ITFG2: variants seen among roughly 807,000 people sequenced by gnomAD.
ITFG2 encodes the protein integrin alpha FG-GAP repeat containing 2, also known as KICSTOR complex protein ITFG2.
Under a neutral mutation model 54.4 loss-of-function variants are expected in ITFG2, and 36 were observed. That is an observed-to-expected ratio of 0.66 (90% CI 0.51 to 0.87). The LOEUF (loss-of-function observed/expected upper bound fraction) is 0.87. Ranked by LOEUF, ITFG2 falls within the 40% of genes least tolerant of loss-of-function variation. The probability of loss-of-function intolerance (pLI) is 0.00; values close to 1 mark genes in which losing one functional copy is unlikely to be tolerated. For missense variants in ITFG2, 524 were observed against 576.7 expected (o/e 0.91, Z 0.94); for synonymous variants, 211 against 225.4 (o/e 0.94, Z 0.57).
At chr12:2,822,613 G>A (rs942845397) in intron 9 of ITFG2, among the ~76,000 whole-genome samples, 181 bp from the exon 10 acceptor site, 33 of 152,092 alleles carry the variant, frequency 2.2e-4, no homozygotes, top group Non-Finnish European at 2.6e-4. Flanking sequence ...ATGAGCTGAG[G>A]TTTCCTCAGT....
intron 2 of ITFG2, 86 bp from the exon 3 acceptor site, chr12:2,817,823 A>G: frequency 7.5e-7 from 1 of 1,339,724 alleles, no homozygotes; most frequent in Non-Finnish European, 1.0e-6. Flanking sequence ...GTGATTAGAA[A>G]ACCTGCCCGC....
chr12:2,852,756 G>C (rs958413559), intron 2 of ITFG2, among the ~76,000 whole-genome samples: 2 of 152,092 alleles, frequency 1.3e-5, no homozygotes, highest in Non-Finnish European at 2.9e-5. Context: ...TGTAATCCCA[G>C]CACTTTGGGA....
chr12:2,858,796 G>C, intron 3 of ITFG2: 1 of 1,614,208 alleles, frequency 6.2e-7, no homozygotes, highest in Non-Finnish European at 8.5e-7. Context: ...TTGGCTGCAA[G>C]GCCAGAAACC....
chr12:2,816,109 C>T (rs375729015), intron 1 of ITFG2, among the ~76,000 whole-genome samples: 74 of 151,236 alleles, frequency 4.9e-4, no homozygotes, highest in African/African-American at 1.7e-3. Context: ...CGGCTCACTG[C>T]AACCTCCACC....
In ITFG2 at chr12:2,812,841, C is replaced by T. The variant is rs750646933; in HGVS notation, c.81C>T (p.Asp27=). The change falls in exon 1 of 12, where the codon GAC becomes GAT. Residue 27 remains aspartate, a synonymous_variant. Coordinates refer to ENST00000228799, the MANE Select transcript of ITFG2 (RefSeq NM_018463.4). ...SLFPHAICLG[D]VDNDTLNELV... ...TCCCGCACGCAATCTGCCTCGGAGA[C>T]GTTGATAACGATACGGTAGGTGCAT... The T allele has an allele frequency of 3.1e-6, 5 of 1,612,068 alleles. No homozygotes were observed. Among genetic ancestry groups the T allele is most frequent in the Non-Finnish European group, 4.2e-6 (5 of 1,178,716 alleles).
chr12:2,828,612 G>A (rs2097982722), downstream of ITFG2, among the ~76,000 whole-genome samples: 1 of 152,170 alleles, frequency 6.6e-6, no homozygotes, highest in South Asian at 2.1e-4. Context: ...GGCCGAGGCG[G>A]GTGGATCACC....
rs767471972 is a variant in ITFG2, at chr12:2,824,085, C to T, written c.1241-5C>T. On this transcript the variant is annotated splice_polypyrimidine_tract_variant and splice_region_variant and intron_variant, in intron 11 of 11. Transcript: ENST00000228799. ...GCCTCTTACCCACCCCTTCTTGGCT[C>T]TCAGATCCTGACGACCTCCCTGTGA... 3 of 1,614,000 alleles carry T rather than the reference C, an allele frequency of 1.9e-6. No individual in the cohort carries two copies. Among genetic ancestry groups the T allele is most frequent in the East Asian group, 4.5e-5 (2 of 44,874 alleles).
At chr12:2,817,142 C>A in intron 1 of ITFG2, 81 bp from the exon 2 acceptor site, 2 of 866,300 alleles carry the variant, frequency 2.3e-6, no homozygotes, top group East Asian at 2.6e-5. Context: ...TGTGATTACC[C>A]TTGGCTAGGC....
At chr12:2,814,124 T>C (rs2097916102) in intron 1 of ITFG2, among the ~76,000 whole-genome samples, 1 of 152,088 alleles carries the variant, frequency 6.6e-6, no homozygotes. Flanking sequence ...TTTTAAAGTT[T>C]TGTAGAGATG....
intron 1 of ITFG2, 106 bp downstream of exon 1, chr12:2,812,962 C>T: frequency 2.1e-6 from 2 of 937,504 alleles, no homozygotes; most frequent in Admixed American, 3.7e-5. Flanking sequence ...AGCATGCGCG[C>T]TGTGGCTAGT....
intron 3 of ITFG2, chr12:2,858,604 T>A (rs1257180175): frequency 2.0e-5 from 32 of 1,588,170 alleles, no homozygotes; most frequent in Non-Finnish European, 2.6e-5. Flanking sequence ...CCCGGGATGG[T>A]GGACAGCTTG....
chr12:2,815,017 A>G (rs1390902884), intron 1 of ITFG2, among the ~76,000 whole-genome samples: 1 of 151,676 alleles, frequency 6.6e-6, no homozygotes, highest in Admixed American at 6.6e-5. Flanking sequence ...CTTATTGTCC[A>G]GGCTGGAGTG....
chr12:2,851,672 A>T (rs971485446), intron 2 of ITFG2, among the ~76,000 whole-genome samples: 61 of 143,790 alleles, frequency 4.2e-4, no homozygotes, highest in African/African-American at 1.7e-3. Context: ...AATTTTATTT[A>T]TTTTTTTTAT....
intron 7 of ITFG2, 39 bp from the exon 8 acceptor site, chr12:2,821,504 T>G (rs2097944367): frequency 6.2e-7 from 1 of 1,610,260 alleles, no homozygotes; most frequent in Non-Finnish European, 8.5e-7. Context: ...GCTCTGACCT[T>G]GCCCTGCCCT....
chr12:2,835,190 T>TGTGTGTGTGAGAGAGAGAGA, upstream of ITFG2: 3 of 713,264 alleles, frequency 4.2e-6, no homozygotes, highest in African/African-American at 8.6e-5. Context: ...TGTGTGTGTG[T>TGTGTGTGTGAGAGAGAGAGA]GAGAGAGAGA....
At position 2,812,800 on chromosome 12, in the gene ITFG2, T is replaced by G; in HGVS notation, c.40T>G (p.Phe14Val). The change falls in exon 1 of 12, where the codon TTC becomes GTC. Residue 14 changes from phenylalanine (F) to valine (V), a missense_variant. Coordinates refer to ENST00000228799, the MANE Select transcript of ITFG2 (RefSeq NM_018463.4). ...VSYVQRVALEFSGSLFPHAIC... is the reference protein window; with the variant it reads ...VSYVQRVALEVSGSLFPHAIC... The stretch of plus-strand genomic sequence containing the variant: ...CTACGTGCAGCGCGTGGCGCTGGAG[T>G]TCAGCGGGAGCCTCTTCCCGCACGC... The G allele has an allele frequency of 6.2e-7, 1 of 1,612,684 alleles. No homozygotes were observed. The highest frequency in any genetic ancestry group is 1.1e-5 in the South Asian group (1 of 91,050).
chr12:2,858,739 G>C lies in ITFG2; in HGVS notation n.620+408G>C. ...CTGATGTCCAGCAGGATCTTGCTGA[G>C]GCTGTCATTCATTGTGTCCAGGACC... On this transcript the variant is annotated intron_variant and non_coding_transcript_variant, in intron 3 of 3. Coordinates refer to the ITFG2 transcript ENST00000537710. The C allele has an allele frequency of 4.3e-6, 7 of 1,614,234 alleles. No homozygotes were observed. The South Asian group carries it at 6.6e-5, about 15-fold the overall frequency.
chr12:2,816,344 T>C (rs1453479676), intron 1 of ITFG2, among the ~76,000 whole-genome samples: 1 of 149,826 alleles, frequency 6.7e-6, no homozygotes, highest in East Asian at 2.0e-4. Flanking sequence ...TTTTTTTTTT[T>C]TTTGAGACAG....
chr12:2,853,113 A>G (rs768775855), intron 2 of ITFG2, among the ~76,000 whole-genome samples: 3 of 152,138 alleles, frequency 2.0e-5, no homozygotes, highest in Non-Finnish European at 2.9e-5. Context: ...TGGCACTGTC[A>G]TGCCACTGTG....
Sources: gnomAD v4.1 joint callset for allele counts (sites outside exome capture counted in the v4.1 genomes callset) on GRCh38, gnomAD v4.1.1 for gene constraint, MANE v1.5 for transcripts, NCBI Gene and HGNC (gene_info 2026-07-23, HGNC 2026-07-21) for gene names.